PWWP3B: variants seen among roughly 807,000 people sequenced by gnomAD.
PWWP3B encodes the protein PWWP domain containing 3B.
Under a neutral mutation model 15.7 loss-of-function variants are expected in PWWP3B, and 5 were observed. That is an observed-to-expected ratio of 0.32 (90% CI 0.17 to 0.67). PWWP3B has a LOEUF of 0.67. Among genes scored for constraint, PWWP3B ranks in the 30% least tolerant of loss-of-function variants. The probability of loss-of-function intolerance (pLI) is 0.74; values close to 1 mark genes in which losing one functional copy is unlikely to be tolerated. For synonymous variants in PWWP3B, 203 were observed against 179.8 expected (o/e 1.13, Z -1.03); for missense variants, 519 against 493.1 (o/e 1.05, Z -0.50).
chrX:106,206,629 A>G lies in PWWP3B; in HGVS notation c.1197A>G (p.Lys399=). The G allele has an allele frequency of 8.3e-7, 1 of 1,209,719 alleles. No homozygotes were observed. The highest frequency in any genetic ancestry group is 1.1e-6 in the Non-Finnish European group (1 of 894,248). Reference sequence around the variant, plus strand: ...AAACAGGAATGATAGTCTGGTTTAAATATCAGAAATATCCATTTTGGCCAG... The same window carrying G: ...AAACAGGAATGATAGTCTGGTTTAAGTATCAGAAATATCCATTTTGGCCAG... ...PFETGMIVWF[K]YQKYPFWPAV... Residue 399 remains lysine, a synonymous_variant, in exon 4 of 4, where the codon AAA becomes AAG. Coordinates refer to ENST00000357175, the MANE Select transcript of PWWP3B (RefSeq NM_001171020.2).
intron 2 of PWWP3B, among the ~76,000 whole-genome samples, chrX:106,201,578 A>G (rs1242693517): frequency 8.9e-6 from 1 of 112,474 alleles, no homozygotes; most frequent in Non-Finnish European, 1.9e-5. Context: ...TTAAAAAGGA[A>G]CATTACTGCA....
chrX:106,187,054 T>A (rs1231711991), intron 2 of PWWP3B, among the ~76,000 whole-genome samples: 1 of 111,987 alleles, frequency 8.9e-6, no homozygotes, highest in Non-Finnish European at 1.9e-5. Flanking sequence ...GCTGGCTTCA[T>A]CTCTCAGTGG....
intron 2 of PWWP3B, among the ~76,000 whole-genome samples, chrX:106,181,604 C>T (rs977691498): frequency 2.7e-5 from 3 of 111,932 alleles, no homozygotes; most frequent in African/African-American, 9.8e-5. Context: ...GCTGGCTTCA[C>T]CTCTCAATCC....
At chrX:106,181,883 A>T (rs1922230319) in intron 2 of PWWP3B, among the ~76,000 whole-genome samples, 1 of 112,161 alleles carries the variant, frequency 8.9e-6, no homozygotes, top group Non-Finnish European at 1.9e-5. Flanking sequence ...GGAGGTTAAA[A>T]ATATAGGGCC....
chrX:106,178,577 C>CT (rs991994159), intron 2 of PWWP3B, among the ~76,000 whole-genome samples: 2 of 111,570 alleles, frequency 1.8e-5, no homozygotes, highest in African/African-American at 6.5e-5. Context: ...CATATTTAGC[C>CT]TTTTTTTAAA....
intron 2 of PWWP3B, among the ~76,000 whole-genome samples, chrX:106,177,056 G>A (rs1200352184): frequency 8.9e-6 from 1 of 112,811 alleles, no homozygotes; most frequent in African/African-American, 3.2e-5. Flanking sequence ...TTATTATATG[G>A]TAAAGGCATT....
intron 2 of PWWP3B, among the ~76,000 whole-genome samples, chrX:106,189,882 G>A (rs1256216364): frequency 8.9e-6 from 1 of 112,289 alleles, no homozygotes; most frequent in Non-Finnish European, 1.9e-5. Flanking sequence ...CTCCCAAAGT[G>A]CTGGGATTAC....
In PWWP3B at chrX:106,205,894, G is replaced by A. The variant is rs755685911; in HGVS notation, c.462G>A (p.Leu154=). The A allele has an allele frequency of 3.3e-6, 4 of 1,211,422 alleles. No homozygotes were observed. The highest frequency in any genetic ancestry group is 4.5e-6 in the Non-Finnish European group (4 of 895,273). ...AGGAAAGGGAAAACTCAGCATGCTTGTTAGCATCTTCAGAGAGTGATGATT... is the reference window on the plus strand; with the variant it reads ...AGGAAAGGGAAAACTCAGCATGCTTATTAGCATCTTCAGAGAGTGATGATT... The part of the protein sequence containing the change: ...CLEERENSAC[L]LASSESDDSL... Residue 154 remains leucine, a synonymous_variant, in exon 4 of 4, where the codon TTG becomes TTA. Transcript: ENST00000357175.
At chrX:106,195,047 A>G (rs1299582159) in intron 2 of PWWP3B, among the ~76,000 whole-genome samples, 5 of 110,221 alleles carry the variant, frequency 4.5e-5, no homozygotes, top group African/African-American at 1.7e-4. Flanking sequence ...GAGAACCACT[A>G]CTCTCTTCAA....
At chrX:106,190,944 G>A (rs1421604675) in intron 2 of PWWP3B, among the ~76,000 whole-genome samples, 16 of 111,418 alleles carry the variant, frequency 1.4e-4, no homozygotes, top group African/African-American at 3.6e-4. Flanking sequence ...TTTGGTTACC[G>A]TAGCCTTGTA....
At position 106,173,743 on chromosome X, in the gene PWWP3B, T is replaced by C. The variant is rs1166744730; in HGVS notation, c.-401+2604T>C. ...TAAGTAGCTAAAACTCTTTTTATTA[T>C]TGTATTTTTAAATATATTAATGGCT... On this transcript the variant is annotated intron_variant, in intron 2 of 3. Transcript: ENST00000357175. Among the ~76,000 whole-genome samples the C allele has an allele frequency of 1.3e-4, 14 of 111,856 alleles. No individual in the cohort carries two copies. In the East Asian group the frequency reaches 3.4e-3, roughly 27 times the overall value.
rs780600757 is a variant in PWWP3B, at chrX:106,205,770, A to G, written c.338A>G (p.Glu113Gly). Residue 113 changes from glutamate (E) to glycine (G), a missense_variant, in exon 4 of 4, where the codon GAG (glutamate) becomes GGG (glycine). Physicochemically the swap from Glu to Gly is moderately conservative, Grantham distance 98 (BLOSUM62 -2). Transcript: ENST00000357175. ...LSQASTSDEE[E>G]ITMLSQNVPQ... ...CAAGCAAGCACTTCAGATGAAGAGG[A>G]GATCACTATGCTGTCTCAAAATGTA... The G allele has an allele frequency of 6.6e-6, 8 of 1,209,765 alleles. No individual in the cohort carries two copies. In the Admixed American group the frequency reaches 1.7e-4, roughly 26 times the overall value.
chrX:106,189,812 T>A (rs922585426), intron 2 of PWWP3B, among the ~76,000 whole-genome samples: 8 of 109,247 alleles, frequency 7.3e-5, no homozygotes, highest in African/African-American at 2.0e-4. Flanking sequence ...AGAGACGGGG[T>A]TTCACCGTGT....
rs762911706 is a variant in PWWP3B at position 106,207,424 on chromosome X, T to C, written c.1992T>C (p.Tyr664=). 4 of 1,168,030 alleles carry C rather than the reference T, an allele frequency of 3.4e-6. No individual in the cohort carries two copies. In the Admixed American group the frequency reaches 7.7e-5, roughly 23 times the overall value. Residue 664 remains tyrosine, a synonymous_variant, in exon 4 of 4, where the codon TAT becomes TAC. Transcript: ENST00000357175. ...ATTACGAGGCAGCTGAAGCAAAGTA[T>C]CTAAAAGGACCATGTCTAGGCTACA... ...GLDYEAAEAK[Y]LKGPCLGYRE...
At chrX:106,176,589 A>C (rs1411081792) in intron 2 of PWWP3B, among the ~76,000 whole-genome samples, 1 of 112,245 alleles carries the variant, frequency 8.9e-6, no homozygotes, top group African/African-American at 3.2e-5. Flanking sequence ...TTTCTTATTA[A>C]TATGTAAGAA....
rs767562437 is a variant in PWWP3B at position 106,183,728 on chromosome X, A to T, written c.-401+12589A>T. On this transcript the variant is annotated intron_variant, in intron 2 of 3. Coordinates refer to ENST00000357175, the MANE Select transcript of PWWP3B (RefSeq NM_001171020.2). The stretch of plus-strand genomic sequence containing the variant: ...GGACAGCTGTCTAGGATAGGAGATA[A>T]CACTGAGAAAGACACGCCAGTGTCC... Among the ~76,000 whole-genome samples the T allele has an allele frequency of 8.0e-5, 9 of 112,294 alleles. No individual in the cohort carries two copies. In the South Asian group the frequency reaches 3.4e-3, roughly 42 times the overall value.
Position 106,207,606 on chromosome X carries a change from T to C in PWWP3B, c.*83T>C. ...TCTCTGAACAATTCTCTCTAATACA[T>C]ATTTTCTGCAAATGGGAGCATGGAT... On this transcript the variant is annotated 3_prime_UTR_variant, in exon 4 of 4. Coordinates refer to ENST00000357175, the MANE Select transcript of PWWP3B (RefSeq NM_001171020.2). 1.0e-6 allele frequency: 1 copy of C among 956,230 alleles called. No homozygotes were observed. The highest frequency in any genetic ancestry group is 3.2e-5 in the South Asian group (1 of 31,154). The allele number at this position is 956,230 out of a possible 1,213,427, so 78.8% of individuals were successfully genotyped here.
intron 2 of PWWP3B, among the ~76,000 whole-genome samples, chrX:106,178,492 T>A (rs1177559475): frequency 8.9e-6 from 1 of 112,395 alleles, no homozygotes. Context: ...TAAACCAGCC[T>A]GCTAATGGAA....
At chrX:106,188,982 A>G (rs770224586) in intron 2 of PWWP3B, among the ~76,000 whole-genome samples, 13 of 112,092 alleles carry the variant, frequency 1.2e-4, no homozygotes, top group Non-Finnish European at 2.3e-4. Context: ...CTTTGTGTAT[A>G]CATAAGTTTT....
Sources: gnomAD v4.1 joint callset for allele counts (sites outside exome capture counted in the v4.1 genomes callset) on GRCh38, gnomAD v4.1.1 for gene constraint, MANE v1.5 for transcripts, NCBI Gene and HGNC (gene_info 2026-07-23, HGNC 2026-07-21) for gene names.